The following CEP63 variants were observed in gnomAD, a reference collection of about 807,000 sequenced individuals.
The protein encoded by CEP63 is centrosomal protein of 63 kDa.
A neutral mutation model predicts 89.1 loss-of-function variants in CEP63; 84 were observed. The observed-to-expected ratio is 0.94, with a 90% CI of 0.79 to 1.13. The LOEUF (loss-of-function observed/expected upper bound fraction) is 1.13. CEP63 is among the 50% of genes most tolerant of loss of function. CEP63 has a pLI of 0.00. For missense variants in CEP63, 838 were observed against 813.3 expected (o/e 1.03, Z -0.37); for synonymous variants, 267 against 272.5 (o/e 0.98, Z 0.20).
the CEP63 span, among the ~76,000 whole-genome samples, chr3:134,691,957 G>C: frequency 6.6e-6 from 1 of 152,050 alleles, no homozygotes; most frequent in African/African-American, 2.4e-5. Flanking sequence ...TGATCTGCTC[G>C]TCTTGATCTC....
intron 9 of CEP63, 132 bp downstream of exon 9, chr3:134,547,604 G>GGTTTTTTTTTTTTT: frequency 3.4e-5 from 6 of 178,996 alleles, no homozygotes; most frequent in South Asian, 1.6e-4. Flanking sequence ...AATGGCCTAA[G>GGTTTTTTTTTTTTT]TTCTTATTTC....
At chr3:134,753,418 T>A in the CEP63 span, among the ~76,000 whole-genome samples, 1 of 152,160 alleles carries the variant, frequency 6.6e-6, no homozygotes, top group Non-Finnish European at 1.5e-5. Context: ...ACAAATGCCA[T>A]CCCTCTGATG....
chr3:134,604,551 T>G, the CEP63 span: 1 of 1,298,692 alleles, frequency 7.7e-7, no homozygotes, highest in East Asian at 2.3e-5. Context: ...AACAACTGTC[T>G]CCCTGGGAGA....
rs184647035 is a variant in CEP63 at position 134,492,435 on chromosome 3, A to G, written c.-25-2861A>G. On this transcript the variant is annotated intron_variant, in intron 1 of 14. Transcript: ENST00000675561. ...AGATGACAAACATCCACAGAAAATC[A>G]GCCCTTACTATTTGCCTGATCCTGA... Among the ~76,000 whole-genome samples, 733 of 151,996 alleles carry G rather than the reference A, an allele frequency of 4.8e-3. 7 individuals carry two copies. The highest frequency in any genetic ancestry group is 0.017 in the African/African-American group (702 of 41,460).
intron 11 of CEP63, among the ~76,000 whole-genome samples, chr3:134,570,621 T>A (rs1455489878): frequency 6.6e-6 from 1 of 152,240 alleles, no homozygotes; most frequent in Non-Finnish European, 1.5e-5. Context: ...AGTTCCAAAC[T>A]TTCCCACATT....
chr3:134,545,256 C>G (rs1183546908), intron 6 of CEP63, among the ~76,000 whole-genome samples: 4 of 152,084 alleles, frequency 2.6e-5, no homozygotes, highest in Non-Finnish European at 4.4e-5. Flanking sequence ...CTCAGCCTCT[C>G]AAAGTGCGGG....
the CEP63 span, among the ~76,000 whole-genome samples, chr3:134,665,124 G>A: frequency 6.6e-6 from 1 of 152,202 alleles, no homozygotes; most frequent in South Asian, 2.1e-4. Context: ...GGGCTTCAGG[G>A]CACTCCAGAC....
At chr3:134,746,108 C>A in the CEP63 span, among the ~76,000 whole-genome samples, 4 of 150,760 alleles carry the variant, frequency 2.7e-5, no homozygotes, top group African/African-American at 9.7e-5. Flanking sequence ...TGTGATGTTC[C>A]CCACCCTGTG....
the CEP63 span, among the ~76,000 whole-genome samples, chr3:134,715,978 C>CT: frequency 7.9e-3 from 1,182 of 149,424 alleles, 13 homozygotes; most frequent in South Asian, 0.028. Flanking sequence ...CTTTCAAAGA[C>CT]TTTTTTTTTT....
intron 10 of CEP63, among the ~76,000 whole-genome samples, chr3:134,549,692 T>TTG (rs1315506183): frequency 6.6e-6 from 1 of 152,146 alleles, no homozygotes; most frequent in Admixed American, 6.5e-5. Flanking sequence ...TTACTTCCTC[T>TTG]TGTTCTATTT....
Position 134,501,405 on chromosome 3 carries a change from A to G in CEP63, c.45-5704A>G, listed in dbSNP as rs116808377. Among the ~76,000 whole-genome samples, 527 of 152,276 alleles carry G rather than the reference A, an allele frequency of 3.5e-3. 7 individuals carry two copies. Among genetic ancestry groups the G allele is most frequent in the African/African-American group, 0.012 (508 of 41,558 alleles). On this transcript the variant is annotated intron_variant, in intron 2 of 14. Coordinates refer to ENST00000675561, the MANE Select transcript of CEP63 (RefSeq NM_001353108.3). The stretch of plus-strand genomic sequence containing the variant: ...ATTTGATAGGAATTGTATTGAATCT[A>G]TAGGTTGCTTTGGGCAGGACGGCCG...
At chr3:134,528,432 C>T (rs1419866771) in intron 3 of CEP63, among the ~76,000 whole-genome samples, 1 of 152,192 alleles carries the variant, frequency 6.6e-6, no homozygotes, top group African/African-American at 2.4e-5. Context: ...ACTCCGTAGT[C>T]AGCTTCCATG....
chr3:134,761,750 T>TCC, the CEP63 span, among the ~76,000 whole-genome samples: 7 of 151,850 alleles, frequency 4.6e-5, no homozygotes, highest in Non-Finnish European at 1.0e-4. Context: ...TCTCTCTCTC[T>TCC]CCCCCCTGAA....
the CEP63 span, among the ~76,000 whole-genome samples, chr3:134,614,249 G>T: frequency 6.6e-6 from 1 of 152,088 alleles, no homozygotes; most frequent in Admixed American, 6.5e-5. Context: ...GAAGAGCTCC[G>T]ACCAGCCATC....
At chr3:134,577,394 GC>G (rs768750308), downstream of CEP63, among the ~76,000 whole-genome samples, 2 of 145,618 alleles carry the variant, frequency 1.4e-5, no homozygotes, top group Non-Finnish European at 3.0e-5. Context: ...TGGAAAAAAA[GC>G]TTACCAAAAA....
intron 3 of CEP63, among the ~76,000 whole-genome samples, chr3:134,527,689 G>C (rs1373786848): frequency 6.6e-6 from 1 of 152,176 alleles, no homozygotes; most frequent in East Asian, 1.9e-4. Flanking sequence ...GGGCCACTCT[G>C]CTGGAGCTCT....
the CEP63 span, among the ~76,000 whole-genome samples, chr3:134,669,473 G>T: frequency 6.6e-6 from 1 of 152,150 alleles, no homozygotes; most frequent in African/African-American, 2.4e-5. Context: ...TGAGGAGGGG[G>T]GTCTTGGGCC....
At chr3:134,565,055 A>T, downstream of CEP63, 1 of 805,752 alleles carries the variant, frequency 1.2e-6, no homozygotes, top group Non-Finnish European at 1.5e-6. Context: ...CTTAACACAC[A>T]TTTTCCAAAA....
chr3:134,557,588 A>G (rs1273094270), intron 12 of CEP63, among the ~76,000 whole-genome samples: 2 of 152,062 alleles, frequency 1.3e-5, no homozygotes, highest in African/African-American at 4.8e-5. Context: ...AGATCAGAAT[A>G]GTAATTCCCA....
Sources: allele counts gnomAD v4.1 joint callset (sites outside exome capture counted in the v4.1 genomes callset), GRCh38; gene constraint gnomAD v4.1.1; transcripts MANE v1.5; gene names NCBI Gene and HGNC (gene_info 2026-07-23, HGNC 2026-07-21).